MMP26: variants seen among roughly 807,000 people sequenced by gnomAD.
MMP26 encodes the protein matrix metallopeptidase 26.
MMP26 carries 33 observed loss-of-function variants against 31.0 expected under a neutral mutation model. The observed-to-expected ratio is 1.06, with a 90% CI of 0.81 to 1.42. MMP26 has a LOEUF of 1.42. Among genes scored for constraint, MMP26 ranks in the 40% most tolerant of loss-of-function variants. The pLI is 0.00. For synonymous variants in MMP26, 122 were observed against 114.9 expected, an observed-to-expected ratio of 1.06 and a Z score of -0.40; for missense variants, 347 against 316.1, an observed-to-expected ratio of 1.10 and a Z score of -0.74.
At chr11:4,714,247 TGTG>T (rs1364297689) in intron 1 of MMP26, among the ~76,000 whole-genome samples, 1 of 152,188 alleles carries the variant, frequency 6.6e-6, no homozygotes, top group Non-Finnish European at 1.5e-5. Context: ...TAAGGAAAAT[TGTG>T]GAAATCTATT....
Position 4,864,931 on chromosome 11 carries a change from C to T in MMP26, c.-145+97590C>T, listed in dbSNP as rs967586339. Among the ~76,000 whole-genome samples the T allele has an allele frequency of 3.3e-5, 5 of 152,098 alleles. No individual in the cohort carries two copies. In the East Asian group the frequency reaches 7.7e-4, roughly 23 times the overall value. On this transcript the variant is annotated intron_variant, in intron 2 of 7. Transcript: ENST00000380390. ...TAAATATGGTAAAAAGAATAGAGTTCGTGAGTCTTATATACCTTGTTTTAA... is the reference window on the plus strand; with the variant it reads ...TAAATATGGTAAAAAGAATAGAGTTTGTGAGTCTTATATACCTTGTTTTAA...
At chr11:4,785,805 C>T (rs1848935380) in intron 2 of MMP26, among the ~76,000 whole-genome samples, 1 of 152,090 alleles carries the variant, frequency 6.6e-6, no homozygotes, top group South Asian at 2.1e-4. Flanking sequence ...ATTGCAAGAC[C>T]ATTCCCTACT....
chr11:4,908,826 T>A (rs1589935851), intron 2 of MMP26: 2 of 162,934 alleles, frequency 1.2e-5, no homozygotes, highest in East Asian at 3.5e-4. Flanking sequence ...CAGGAGGTGT[T>A]GGAATGCCAA....
In MMP26 at chr11:4,816,964, C is replaced by T. The variant is rs180870351; in HGVS notation, c.-145+49623C>T. 4.6e-5 allele frequency among the ~76,000 whole-genome samples: 7 copies of T among 151,776 alleles called. No individual in the cohort carries two copies. In the East Asian group the frequency reaches 1.4e-3, roughly 29 times the overall value. On this transcript the variant is annotated intron_variant, in intron 2 of 7. Coordinates refer to ENST00000380390, the MANE Select transcript of MMP26 (RefSeq NM_021801.5). ...TGACCTCGTGATCCACCCGCCTCGG[C>T]CTCCCAAAGTGGGGTGCCTTCTTTT...
At chr11:4,803,111 A>G (rs957681223) in intron 2 of MMP26, among the ~76,000 whole-genome samples, 1 of 152,222 alleles carries the variant, frequency 6.6e-6, no homozygotes, top group African/African-American at 2.4e-5. Flanking sequence ...CAGTGTAAAA[A>G]CAACTTTTTT....
intron 2 of MMP26, chr11:4,944,149 A>G (rs756464920): frequency 4.4e-6 from 2 of 453,814 alleles, no homozygotes; most frequent in South Asian, 3.1e-5. Context: ...ATGCACCTCA[A>G]ACATAGGAAC....
rs1313162912 is a variant in MMP26 at position 4,952,416 on chromosome 11, A to AC, written c.-144-35651dup. On this transcript the variant is annotated intron_variant, in intron 2 of 7. Coordinates refer to ENST00000380390, the MANE Select transcript of MMP26 (RefSeq NM_021801.5). Reference sequence around the variant, plus strand: ...TTCTTTCAATTAATAAAGCATGTCAACTACTGCTTTGTTGTACTACAACCC... The same window carrying AC: ...TTCTTTCAATTAATAAAGCATGTCAACCTACTGCTTTGTTGTACTACAACCC... Among the ~76,000 whole-genome samples, 4 of 125,284 alleles carry AC rather than the reference A, an allele frequency of 3.2e-5. 1 individual carries two copies. The highest frequency in any genetic ancestry group is 4.5e-4 in the East Asian group (2 of 4,428). The allele number at this position is 125,284 out of a possible 152,430, so 82.2% of individuals were successfully genotyped here.
At chr11:4,939,555 A>T (rs1178407245) in intron 2 of MMP26, among the ~76,000 whole-genome samples, 1 of 152,118 alleles carries the variant, frequency 6.6e-6, no homozygotes, top group African/African-American at 2.4e-5. Flanking sequence ...TTAACTCTCT[A>T]TTTAAACATT....
chr11:4,800,733 T>C (rs548829640), intron 2 of MMP26, among the ~76,000 whole-genome samples: 1 of 152,232 alleles, frequency 6.6e-6, no homozygotes, highest in Non-Finnish European at 1.5e-5. Context: ...CTTTTAAATA[T>C]AAGTTCCTAC....
intron 2 of MMP26, among the ~76,000 whole-genome samples, chr11:4,921,973 G>T (rs2595973): frequency 2.6e-5 from 4 of 152,142 alleles, no homozygotes; most frequent in Admixed American, 6.5e-5. Context: ...GTACCCATTA[G>T]GTAATTTCTC....
At position 4,907,544 on chromosome 11, in the gene MMP26, A is replaced by G. The variant is rs867275246; in HGVS notation, c.-144-80524A>G. On this transcript the variant is annotated intron_variant, in intron 2 of 7. Coordinates refer to ENST00000380390, the MANE Select transcript of MMP26 (RefSeq NM_021801.5). Reference sequence around the variant, plus strand: ...GACAGAGCCCTCGCTTCATGAGCCCATGTATTATTTCCTTGCCATGTTGGC... The same window carrying G: ...GACAGAGCCCTCGCTTCATGAGCCCGTGTATTATTTCCTTGCCATGTTGGC... 3.1e-6 allele frequency: 5 copies of G among 1,613,902 alleles called. No homozygotes were observed. The African/African-American group carries it at 6.7e-5, about 22-fold the overall frequency.
At position 4,925,798 on chromosome 11, in the gene MMP26, AGTTTGTTT is replaced by A. The variant is rs370634374; in HGVS notation, c.-144-62253_-144-62246del. On this transcript the variant is annotated intron_variant, in intron 2 of 7. Coordinates refer to ENST00000380390, the MANE Select transcript of MMP26 (RefSeq NM_021801.5). ...AAAAAAAAAAAAATGAAGTAGGACA[AGTTTGTTT>A]GTTTGTTTGTTTGTTTTTTAGACAT... Among the ~76,000 whole-genome samples, 12 of 152,064 alleles carry A rather than the reference AGTTTGTTT, an allele frequency of 7.9e-5. No homozygotes were observed. The South Asian group carries it at 1.0e-3, about 13-fold the overall frequency.
intron 1 of MMP26, among the ~76,000 whole-genome samples, chr11:4,754,318 G>A (rs1281464217): frequency 6.6e-6 from 1 of 151,732 alleles, no homozygotes; most frequent in Non-Finnish European, 1.5e-5. Flanking sequence ...AATAAATAGA[G>A]CAAATGTGGG....
intron 2 of MMP26, among the ~76,000 whole-genome samples, chr11:4,817,309 C>T (rs1270349397): frequency 2.0e-5 from 3 of 152,084 alleles, no homozygotes; most frequent in African/African-American, 7.2e-5. Flanking sequence ...GGAGGTTGGG[C>T]ATGGTGATTT....
chr11:4,860,332 G>C (rs1211941456), intron 2 of MMP26: 1 of 471,294 alleles, frequency 2.1e-6, no homozygotes, highest in Non-Finnish European at 4.4e-6. Context: ...GGGCAAGGTG[G>C]ACATGGAGAG....
chr11:4,975,036 G>A (rs1352135628), intron 2 of MMP26, among the ~76,000 whole-genome samples: 1 of 151,948 alleles, frequency 6.6e-6, no homozygotes, highest in Non-Finnish European at 1.5e-5. Flanking sequence ...GGGTTGATAG[G>A]TGCAGCAAAC....
rs142664349 is a variant in MMP26 at position 4,707,872 on chromosome 11, A to G, written c.-217+2827A>G. On this transcript the variant is annotated intron_variant, in intron 1 of 7. Transcript: ENST00000380390. ...TCTGAGATCGTAGGTCTGAGAAAAA[A>G]TGGTCCTTATATTTTCCTGGGAGTC... Among the ~76,000 whole-genome samples the G allele has an allele frequency of 4.6e-3, 695 of 152,274 alleles. 9 individuals are homozygous for G. The highest frequency in any genetic ancestry group is 4.5e-3 in the Non-Finnish European group (303 of 68,022).
chr11:4,772,209 C>A (rs1016922678), intron 2 of MMP26, among the ~76,000 whole-genome samples: 2 of 151,966 alleles, frequency 1.3e-5, no homozygotes, highest in Admixed American at 6.6e-5. Context: ...ATCCAAGTAA[C>A]CTGTGGTCCA....
rs146578912 is a variant in MMP26 at position 4,954,890 on chromosome 11, A to G, written c.-144-33178A>G. On this transcript the variant is annotated intron_variant, in intron 2 of 7. Transcript: ENST00000380390. ...AAGTAGGAGAACATTTGCCATGAGA[A>G]CATTAATGAGGGGAGAGACATGCCC... The G allele has an allele frequency of 1.5e-3, 1,726 of 1,128,676 alleles. 377 individuals are homozygous for G. In the African/African-American group the frequency reaches 0.026, roughly 17 times the overall value. 69.9% of individuals were successfully genotyped at this position (1,128,676 alleles called of 1,614,324 possible).
Sources: allele counts gnomAD v4.1 joint callset (sites outside exome capture counted in the v4.1 genomes callset), GRCh38; gene constraint gnomAD v4.1.1; transcripts MANE v1.5; gene names NCBI Gene and HGNC (gene_info 2026-07-23, HGNC 2026-07-21).